Variants in THSD7B observed in about 807,000 individuals in gnomAD.
THSD7B encodes thrombospondin type 1 domain containing 7B.
Under a neutral mutation model 213.6 loss-of-function variants are expected in THSD7B, and 138 were observed. The observed-to-expected ratio is 0.65, with a 90% CI of 0.56 to 0.74. The LOEUF is 0.74. Among genes scored for constraint, THSD7B ranks in the 30% least tolerant of loss-of-function variants. THSD7B has a pLI of 0.00. For synonymous variants in THSD7B, 742 were observed against 687.0 expected (o/e 1.08, Z -1.25); for missense variants, 1,931 against 1,991.5 (o/e 0.97, Z 0.58).
chr2:137,642,967 G>A (rs72985417), intron 21 of THSD7B, among the ~76,000 whole-genome samples: 3,643 of 152,228 alleles, frequency 0.024, 134 homozygotes, highest in African/African-American at 0.082. Context: ...AAATCCTGAT[G>A]CTGTGAAAAT....
intron 1 of THSD7B, among the ~76,000 whole-genome samples, chr2:136,849,136 C>A (rs1484322558): frequency 6.6e-6 from 1 of 152,122 alleles, no homozygotes; most frequent in East Asian, 1.9e-4. Flanking sequence ...CATCCCCTTA[C>A]CACCACTGAT....
intron 10 of THSD7B, among the ~76,000 whole-genome samples, chr2:137,257,645 C>G (rs1682340449): frequency 6.6e-6 from 1 of 152,166 alleles, no homozygotes; most frequent in African/African-American, 2.4e-5. Context: ...GATCACCTGC[C>G]CATCCATCCA....
chr2:137,390,572 G>T (rs1009123687), intron 12 of THSD7B, among the ~76,000 whole-genome samples: 1 of 151,916 alleles, frequency 6.6e-6, no homozygotes, highest in Non-Finnish European at 1.5e-5. Context: ...GTACTACATC[G>T]AATAAAAGTA....
At chr2:136,888,055 G>A (rs1408884510) in intron 2 of THSD7B, among the ~76,000 whole-genome samples, 1 of 152,052 alleles carries the variant, frequency 6.6e-6, no homozygotes, top group Non-Finnish European at 1.5e-5. Flanking sequence ...ATTTACTTGT[G>A]CTTTTATGTT....
intron 12 of THSD7B, among the ~76,000 whole-genome samples, chr2:137,313,789 A>T (rs1002636965): frequency 6.6e-6 from 1 of 152,154 alleles, no homozygotes; most frequent in Non-Finnish European, 1.5e-5. Flanking sequence ...TGTATATGAA[A>T]TTCTGGGTTG....
At chr2:136,768,509 TTGAC>T (rs1300956515) in intron 1 of THSD7B, among the ~76,000 whole-genome samples, 1 of 152,222 alleles carries the variant, frequency 6.6e-6, no homozygotes, top group African/African-American at 2.4e-5. Context: ...TGAAGAATAT[TTGAC>T]TGGTCTTATT....
intron 1 of THSD7B, among the ~76,000 whole-genome samples, chr2:136,768,471 C>A (rs529110242): frequency 2.0e-5 from 3 of 152,310 alleles, no homozygotes; most frequent in Non-Finnish European, 4.4e-5. Flanking sequence ...AAAGTAATAA[C>A]ATTATGTCAA....
intron 10 of THSD7B, among the ~76,000 whole-genome samples, chr2:137,246,679 G>A (rs1170214562): frequency 6.6e-6 from 1 of 151,996 alleles, no homozygotes; most frequent in Non-Finnish European, 1.5e-5. Context: ...GCAAACCAAA[G>A]GTCTATCAAG....
intron 2 of THSD7B, among the ~76,000 whole-genome samples, chr2:136,980,305 G>A (rs1445830658): frequency 6.6e-6 from 1 of 152,158 alleles, no homozygotes. Context: ...CTTGGCGCTG[G>A]GGGGAATCTT....
chr2:137,179,984 C>T (rs1680423969), intron 7 of THSD7B, among the ~76,000 whole-genome samples: 1 of 152,108 alleles, frequency 6.6e-6, no homozygotes, highest in Non-Finnish European at 1.5e-5. Flanking sequence ...ATCACCTGTG[C>T]AAGATTATTT....
At chr2:136,951,492 G>GA (rs1280733288) in intron 2 of THSD7B, among the ~76,000 whole-genome samples, 7 of 152,182 alleles carry the variant, frequency 4.6e-5, no homozygotes, top group Non-Finnish European at 7.3e-5. Flanking sequence ...AGGTCTGGGG[G>GA]AAAAATAGCA....
intron 2 of THSD7B, among the ~76,000 whole-genome samples, chr2:136,922,839 A>C (rs571478403): frequency 6.6e-6 from 1 of 152,136 alleles, no homozygotes; most frequent in African/African-American, 2.4e-5. Context: ...GTCAGAGTCC[A>C]CTGATGTCTT....
chr2:137,642,798 C>T lies in THSD7B; in HGVS notation c.3945+165C>T, dbSNP rs1208994025. On this transcript the variant is annotated intron_variant, in intron 21 of 27. Transcript: ENST00000409968. ...GGAAAAATACAACCAAATGGCTTAA[C>T]CTCATGCAGAGTGATATTGCTAGGG... Among the ~76,000 whole-genome samples the T allele has an allele frequency of 2.0e-5, 3 of 152,152 alleles. No individual in the cohort carries two copies. In the East Asian group the frequency reaches 5.8e-4, roughly 29 times the overall value.
chr2:137,451,995 A>G, intron 15 of THSD7B: 32 of 827,814 alleles, frequency 3.9e-5, no homozygotes, highest in Non-Finnish European at 4.4e-5. Context: ...TGTAAGGAAA[A>G]TCTCATATGT....
At position 137,676,658 on chromosome 2, in the gene THSD7B, T is replaced by C. The variant is rs1276903725; in HGVS notation, c.*53T>C. 12 of 1,464,226 alleles carry C rather than the reference T, an allele frequency of 8.2e-6. No individual in the cohort carries two copies. The highest frequency in any genetic ancestry group is 1.0e-5 in the Non-Finnish European group (11 of 1,095,594). 90.7% of individuals were successfully genotyped at this position (1,464,226 alleles called of 1,614,324 possible). On this transcript the variant is annotated 3_prime_UTR_variant, in exon 28 of 28. Coordinates refer to ENST00000409968, the MANE Select transcript of THSD7B (RefSeq NM_001316349.2). ...TCAACTGCCTTAACCGCTTTCTCTT[T>C]TGTAGCTCTCAGACTTCTCAGTTTT...
At chr2:137,108,277 T>C (rs188466509) in intron 4 of THSD7B, among the ~76,000 whole-genome samples, 1 of 152,250 alleles carries the variant, frequency 6.6e-6, no homozygotes, top group Non-Finnish European at 1.5e-5. Context: ...CAAGCCTTTA[T>C]GAAAGTGATA....
intron 10 of THSD7B, among the ~76,000 whole-genome samples, chr2:137,243,242 A>T (rs1681954175): frequency 6.6e-6 from 1 of 152,174 alleles, no homozygotes; most frequent in Non-Finnish European, 1.5e-5. Context: ...GGGCTAGTTC[A>T]TGTGAAGATA....
In THSD7B at chr2:137,018,994, C is replaced by A. The variant is rs1240890173; in HGVS notation, c.140-37426C>A. Among the ~76,000 whole-genome samples the A allele has an allele frequency of 2.0e-5, 3 of 152,092 alleles. No individual in the cohort carries two copies. The East Asian group carries it at 5.8e-4, about 29-fold the overall frequency. ...AGTTGGCTAAAGATTTTAGTCTCAG[C>A]CTCCAGTCCTCTCTTTACTTCTTTC... On this transcript the variant is annotated intron_variant, in intron 2 of 27. Transcript: ENST00000409968.
rs540278430 is a variant in THSD7B, at chr2:136,852,811, A to G, written c.-35-29333A>G. On this transcript the variant is annotated intron_variant, in intron 1 of 27. Transcript: ENST00000409968. The stretch of plus-strand genomic sequence containing the variant: ...ATTAATTTTATTTTTGGTGATTTCA[A>G]GTTCTGATTGTTTAGAACAGAACTT... Among the ~76,000 whole-genome samples the G allele has an allele frequency of 2.6e-5, 4 of 152,246 alleles. No homozygotes were observed. The East Asian group carries it at 7.7e-4, about 29-fold the overall frequency.
Sources: allele counts gnomAD v4.1 joint callset (sites outside exome capture counted in the v4.1 genomes callset), GRCh38; gene constraint gnomAD v4.1.1; transcripts MANE v1.5; gene names NCBI Gene and HGNC (gene_info 2026-07-23, HGNC 2026-07-21).